VPS8: variants seen among roughly 807,000 people sequenced by gnomAD.
The protein encoded by VPS8 is vacuolar protein sorting-associated protein 8 homolog.
In VPS8, 129 loss-of-function variants were observed where a neutral mutation model predicts 216.4. That is an observed-to-expected ratio of 0.60 (90% CI 0.52 to 0.69). The LOEUF (loss-of-function observed/expected upper bound fraction) is 0.69, where lower values mean the gene tolerates loss of function less well. Among genes scored for constraint, VPS8 ranks in the 30% least tolerant of loss-of-function variants. The pLI, the probability that VPS8 is intolerant of heterozygous loss-of-function variation, is 0.00. For missense variants in VPS8, 1,531 were observed against 1,683.5 expected (o/e 0.91, Z 1.59); for synonymous variants, 571 against 565.4 (o/e 1.01, Z -0.14).
intron 5 of VPS8, among the ~76,000 whole-genome samples, chr3:184,835,708 T>G (rs570493661): frequency 1.4e-5 from 2 of 142,078 alleles, no homozygotes; most frequent in African/African-American, 5.1e-5. Flanking sequence ...TTTGGATTTT[T>G]CTTTTTTTTT....
chr3:184,919,253 G>C (rs931040131), intron 28 of VPS8: 3 of 152,186 alleles, frequency 2.0e-5, no homozygotes, highest in Non-Finnish European at 4.4e-5. Context: ...GGGACAATGC[G>C]TAGTTCATTT....
rs1475458124 is a variant in VPS8, at chr3:184,882,491, T to C, written c.1735-3619T>C. On this transcript the variant is annotated intron_variant, in intron 21 of 47. Coordinates refer to ENST00000625842, the MANE Select transcript of VPS8 (RefSeq NM_001009921.3). ...ATTCCTAATATTTTGTGAAGGACTT[T>C]TACATCTTTATGAAGAACATTGGTC... is the stretch of plus-strand genomic sequence containing the variant. 1.9e-5 allele frequency: 8 copies of C among 411,732 alleles called. No homozygotes were observed. In the East Asian group the frequency reaches 3.6e-4, roughly 19 times the overall value. The allele number at this position is 411,732 out of a possible 1,614,324, so 25.5% of individuals were successfully genotyped here.
Position 185,052,019 on chromosome 3 carries a change from G to A in VPS8, c.4281G>A (p.Glu1427=). ...AGCTCATTCCTCCACCTGTGACTGA[G>A]GATTGATGACTCCATGGAGCCTGGC... ...QLQLIPPPVT[E]D The change falls in exon 48 of 48, where the codon GAG becomes GAA. Residue 1427 remains glutamate, a synonymous_variant. Transcript: ENST00000625842. The A allele has an allele frequency of 6.2e-7, 1 of 1,609,540 alleles. No homozygotes were observed. Among genetic ancestry groups the A allele is most frequent in the South Asian group, 1.1e-5 (1 of 90,444 alleles).
chr3:184,870,430 C>T (rs996369356), intron 20 of VPS8, among the ~76,000 whole-genome samples: 12 of 152,114 alleles, frequency 7.9e-5, no homozygotes, highest in African/African-American at 2.2e-4. Flanking sequence ...ACACCTACAG[C>T]GAGGATTACT....
chr3:184,992,043 TGAA>T (rs762939603), intron 42 of VPS8, among the ~76,000 whole-genome samples: 34 of 152,308 alleles, frequency 2.2e-4, no homozygotes, highest in African/African-American at 7.2e-4. Flanking sequence ...CCCTAGCAGT[TGAA>T]GAGTCCAGAG....
chr3:184,979,710 T>C (rs1749873848), intron 40 of VPS8, among the ~76,000 whole-genome samples: 1 of 152,180 alleles, frequency 6.6e-6, no homozygotes, highest in Non-Finnish European at 1.5e-5. Context: ...GTAAGATGGA[T>C]CTCTTGGAAG....
intron 45 of VPS8, among the ~76,000 whole-genome samples, chr3:185,023,646 G>A (rs1756954887): frequency 6.6e-6 from 1 of 151,936 alleles, no homozygotes; most frequent in Non-Finnish European, 1.5e-5. Context: ...CAACAGAAGC[G>A]AAACTCTGTC....
At chr3:185,015,981 C>G (rs1755730420) in intron 45 of VPS8, among the ~76,000 whole-genome samples, 1 of 152,184 alleles carries the variant, frequency 6.6e-6, no homozygotes, top group Admixed American at 6.5e-5. Context: ...TTCTCTGGAT[C>G]TATTCTATTT....
chr3:184,915,602 A>C, intron 28 of VPS8, 128 bp downstream of exon 28: 1 of 970,020 alleles, frequency 1.0e-6, no homozygotes, highest in Non-Finnish European at 1.5e-6. Flanking sequence ...TGAGGTCAGG[A>C]GTTCCAGACC....
At chr3:185,032,727 G>A (rs1344111892) in intron 46 of VPS8, among the ~76,000 whole-genome samples, 3 of 151,872 alleles carry the variant, frequency 2.0e-5, no homozygotes, top group East Asian at 1.9e-4. Context: ...GTGCAGTGGC[G>A]CAATCTCGGC....
chr3:184,863,085 T>C lies in VPS8; in HGVS notation c.1395+18T>C, dbSNP rs773545202. ...AGGCACTGGTAAGGATAATCACTTA[T>C]CTTGCTATCCTAGAAAATACTTTGA... On this transcript the variant is annotated intron_variant, in intron 16 of 47. Transcript: ENST00000625842. 8.7e-6 allele frequency: 14 copies of C among 1,610,458 alleles called. No individual in the cohort carries two copies. The highest frequency in any genetic ancestry group is 3.3e-5 in the South Asian group (3 of 90,648).
At chr3:184,855,116 T>G (rs1027816223) in intron 13 of VPS8, among the ~76,000 whole-genome samples, 1 of 152,232 alleles carries the variant, frequency 6.6e-6, no homozygotes, top group African/African-American at 2.4e-5. Context: ...TGAGATTTTT[T>G]TCATGGTGTT....
intron 25 of VPS8, among the ~76,000 whole-genome samples, chr3:184,905,156 A>G (rs917561106): frequency 6.6e-6 from 1 of 152,190 alleles, no homozygotes; most frequent in African/African-American, 2.4e-5. Context: ...TAGAACCCTC[A>G]TGACTTAAAC....
chr3:184,829,633 C>T (rs1719568407), intron 3 of VPS8, among the ~76,000 whole-genome samples: 1 of 152,204 alleles, frequency 6.6e-6, no homozygotes. Flanking sequence ...TATTGATATA[C>T]ACTTCCAGCA....
chr3:184,870,137 T>C (rs1728080362), intron 20 of VPS8, among the ~76,000 whole-genome samples: 1 of 152,184 alleles, frequency 6.6e-6, no homozygotes, highest in Non-Finnish European at 1.5e-5. Context: ...AACTAGTGTA[T>C]GTGCAAATGT....
chr3:184,934,586 G>T (rs1741274868), intron 34 of VPS8, among the ~76,000 whole-genome samples: 1 of 152,152 alleles, frequency 6.6e-6, no homozygotes, highest in African/African-American at 2.4e-5. Context: ...TTTTATGGAA[G>T]TTTTCTTCTA....
chr3:184,964,593 G>T (rs1192789290), intron 38 of VPS8, 36 bp downstream of exon 38: 3 of 1,315,666 alleles, frequency 2.3e-6, no homozygotes, highest in South Asian at 1.6e-5. Flanking sequence ...TCATATTTCT[G>T]TCTATTCCTC....
rs981320557 is a variant in VPS8, at chr3:184,915,291, C to G, written c.2263-64C>G. On this transcript the variant is annotated intron_variant, in intron 27 of 47. Coordinates refer to ENST00000625842, the MANE Select transcript of VPS8 (RefSeq NM_001009921.3). ...GCCTTTATTTTATCCAAATGAGAAT[C>G]ACTGCTTCAGCAAGATACTTTGTCA... 1.2e-5 allele frequency: 18 copies of G among 1,552,762 alleles called. No homozygotes were observed. In the African/African-American group the frequency reaches 1.9e-4, roughly 17 times the overall value.
chr3:184,869,082 T>G, intron 19 of VPS8, 46 bp downstream of exon 19: 1 of 1,543,620 alleles, frequency 6.5e-7, no homozygotes, highest in Non-Finnish European at 8.8e-7. Flanking sequence ...TCTCCTGGAG[T>G]AGAGGGAATG....
Sources: gnomAD v4.1 joint callset for allele counts (sites outside exome capture counted in the v4.1 genomes callset) on GRCh38, gnomAD v4.1.1 for gene constraint, MANE v1.5 for transcripts, NCBI Gene and HGNC (gene_info 2026-07-23, HGNC 2026-07-21) for gene names.